The following NDUFAF2 variants were observed in gnomAD, a reference collection of about 807,000 sequenced individuals.
The protein encoded by NDUFAF2 is NADH:ubiquinone oxidoreductase complex assembly factor 2.
Under a neutral mutation model 22.8 loss-of-function variants are expected in NDUFAF2, and 13 were observed. The observed-to-expected ratio is 0.57, with a 90% CI of 0.37 to 0.91. The LOEUF is 0.91. NDUFAF2 is among the 40% of genes least tolerant of loss of function. The pLI is 0.01. For synonymous variants in NDUFAF2, 53 were observed against 64.2 expected (o/e 0.83, Z 0.84); for missense variants, 162 against 195.2 (o/e 0.83, Z 1.01).
At chr5:61,074,244 G>A (rs971258766) in intron 2 of NDUFAF2, among the ~76,000 whole-genome samples, 9 of 152,150 alleles carry the variant, frequency 5.9e-5, no homozygotes, top group African/African-American at 2.2e-4. Context: ...CTGAGGCCAG[G>A]AGTTCAAGAC....
intron 1 of NDUFAF2, among the ~76,000 whole-genome samples, chr5:61,014,864 A>G (rs968272842): frequency 3.3e-5 from 5 of 152,312 alleles, no homozygotes; most frequent in South Asian, 4.1e-4. Context: ...TAAACTTTCT[A>G]TTGTCAGTTA....
chr5:61,114,409 A>G (rs1239125040), intron 3 of NDUFAF2: 1 of 152,202 alleles, frequency 6.6e-6, no homozygotes, highest in African/African-American at 2.4e-5. Flanking sequence ...TGTTAAATTT[A>G]TCTGATAGAA....
At chr5:61,067,844 T>A (rs942345715) in intron 1 of NDUFAF2, among the ~76,000 whole-genome samples, 9 of 152,132 alleles carry the variant, frequency 5.9e-5, no homozygotes, top group Admixed American at 4.6e-4. Context: ...TTTTTAATGA[T>A]TGCCATTCTA....
chr5:60,963,231 A>G (rs1750714348), intron 1 of NDUFAF2, among the ~76,000 whole-genome samples: 1 of 152,224 alleles, frequency 6.6e-6, no homozygotes, highest in South Asian at 2.1e-4. Context: ...TTGAGTAGAT[A>G]TCTAAATGTC....
intron 3 of NDUFAF2, among the ~76,000 whole-genome samples, chr5:61,148,187 T>C (rs1182744004): frequency 6.6e-6 from 1 of 152,174 alleles, no homozygotes; most frequent in East Asian, 1.9e-4. Context: ...CATCCTCTGG[T>C]TGGGTTCCCC....
At chr5:61,051,844 C>T (rs536237595) in intron 1 of NDUFAF2, among the ~76,000 whole-genome samples, 1 of 152,098 alleles carries the variant, frequency 6.6e-6, no homozygotes, top group African/African-American at 2.4e-5. Context: ...ATATGAGGCA[C>T]TAATATAAAC....
At chr5:61,081,363 A>C (rs2111743003) in intron 2 of NDUFAF2, among the ~76,000 whole-genome samples, 1 of 152,286 alleles carries the variant, frequency 6.6e-6, no homozygotes, top group East Asian at 1.9e-4. Flanking sequence ...TACCTCAATA[A>C]AGCTGTAAAA....
intron 1 of NDUFAF2, among the ~76,000 whole-genome samples, chr5:60,985,905 G>GT (rs1751068190): frequency 6.6e-6 from 1 of 152,134 alleles, no homozygotes; most frequent in Non-Finnish European, 1.5e-5. Context: ...CAGCCAAACA[G>GT]TATCACTGAT....
chr5:60,981,587 G>A (rs987368100), intron 1 of NDUFAF2, among the ~76,000 whole-genome samples: 1 of 152,102 alleles, frequency 6.6e-6, no homozygotes, highest in African/African-American at 2.4e-5. Context: ...TAAGTAGAAA[G>A]ACAAAAAGAT....
At chr5:61,109,221 G>A (rs1387907441) in intron 3 of NDUFAF2, among the ~76,000 whole-genome samples, 2 of 152,074 alleles carry the variant, frequency 1.3e-5, no homozygotes, top group Non-Finnish European at 2.9e-5. Context: ...TGTAGCTATT[G>A]TAAATGGGAT....
chr5:61,040,276 ACACACACACACGCG>A lies in NDUFAF2; in HGVS notation c.128-32847_128-32834del, dbSNP rs1364124296. Among the ~76,000 whole-genome samples the A allele has an allele frequency of 1.8e-3, 216 of 120,664 alleles. 5 individuals carry two copies. Among genetic ancestry groups the A allele is most frequent in the Middle Eastern group, 7.9e-3 (2 of 252 alleles). 79.2% of individuals were successfully genotyped at this position (120,664 alleles called of 152,430 possible). On this transcript the variant is annotated intron_variant, in intron 1 of 3. Transcript: ENST00000296597. ...GACACACACACACACACACACACAC[ACACACACACACGCG>A]CGCGCGCGCGCGAAAGTTGAAAGCA...
intron 3 of NDUFAF2, among the ~76,000 whole-genome samples, chr5:61,119,732 T>G (rs1339652502): frequency 6.6e-6 from 1 of 152,166 alleles, no homozygotes; most frequent in Non-Finnish European, 1.5e-5. Context: ...TGTTCCTGCC[T>G]TTGATCAGGC....
intron 1 of NDUFAF2, among the ~76,000 whole-genome samples, chr5:60,974,308 C>T (rs1750873869): frequency 6.6e-6 from 1 of 152,106 alleles, no homozygotes; most frequent in Admixed American, 6.5e-5. Flanking sequence ...GGACTTACAC[C>T]AGTGGTTTGC....
At chr5:61,102,185 T>C (rs536572207) in intron 3 of NDUFAF2, among the ~76,000 whole-genome samples, 6 of 152,156 alleles carry the variant, frequency 3.9e-5, no homozygotes, top group African/African-American at 1.4e-4. Flanking sequence ...GATTTGAAAA[T>C]ATATTTGGAA....
chr5:60,951,371 G>T (rs2112562749), intron 1 of NDUFAF2, among the ~76,000 whole-genome samples: 1 of 152,246 alleles, frequency 6.6e-6, no homozygotes. Context: ...CTGTTGTATG[G>T]TTAGAACCAC....
At chr5:61,049,135 A>G (rs913965571) in intron 1 of NDUFAF2, among the ~76,000 whole-genome samples, 1 of 152,170 alleles carries the variant, frequency 6.6e-6, no homozygotes, top group Non-Finnish European at 1.5e-5. Flanking sequence ...CCTTGTGGAT[A>G]ACAGCTGGTA....
chr5:61,084,899 A>G (rs1048067766), intron 2 of NDUFAF2, among the ~76,000 whole-genome samples: 8 of 152,218 alleles, frequency 5.3e-5, no homozygotes, highest in African/African-American at 1.4e-4. Context: ...TATAGAAGAT[A>G]GCTACATCAG....
intron 3 of NDUFAF2, among the ~76,000 whole-genome samples, chr5:61,105,728 A>T: frequency 6.6e-6 from 1 of 151,342 alleles, no homozygotes; most frequent in East Asian, 1.9e-4. Flanking sequence ...AAGTAAAGAT[A>T]GTGGGTCAAA....
chr5:60,997,979 T>A (rs938234906), intron 1 of NDUFAF2, among the ~76,000 whole-genome samples: 6 of 152,206 alleles, frequency 3.9e-5, no homozygotes, highest in Non-Finnish European at 7.4e-5. Flanking sequence ...AGCCAACAAG[T>A]GATACCAACC....
Sources: allele counts gnomAD v4.1 joint callset (sites outside exome capture counted in the v4.1 genomes callset), GRCh38; gene constraint gnomAD v4.1.1; transcripts MANE v1.5; gene names NCBI Gene and HGNC (gene_info 2026-07-23, HGNC 2026-07-21).